The following PDSS2 variants were observed in gnomAD, a reference collection of about 807,000 sequenced individuals.
PDSS2 encodes decaprenyl diphosphate synthase subunit 2, also known as all trans-polyprenyl-diphosphate synthase PDSS2.
PDSS2 carries 31 observed loss-of-function variants against 44.5 expected under a neutral mutation model. The observed-to-expected ratio is 0.70, with a 90% CI of 0.52 to 0.94. PDSS2 has a LOEUF of 0.94. Among genes scored for constraint, PDSS2 ranks in the 40% least tolerant of loss-of-function variants. The pLI is 0.00. For missense variants in PDSS2, 452 were observed against 482.2 expected (o/e 0.94, Z 0.59); for synonymous variants, 157 against 180.3 (o/e 0.87, Z 1.03).
At chr6:107,336,223 C>T (rs1442055942) in intron 1 of PDSS2, among the ~76,000 whole-genome samples, 1 of 150,358 alleles carries the variant, frequency 6.7e-6, no homozygotes, top group African/African-American at 2.5e-5. Flanking sequence ...CCACTGCACT[C>T]CCAGCTTGGG....
At chr6:107,398,956 G>C (rs545638639) in intron 1 of PDSS2, among the ~76,000 whole-genome samples, 1 of 152,208 alleles carries the variant, frequency 6.6e-6, no homozygotes, top group African/African-American at 2.4e-5. Flanking sequence ...AAGATTTTTA[G>C]AATGTATTCA....
rs534809739 is a variant in PDSS2 at position 107,188,929 on chromosome 6, G to A, written c.1041+4893C>T. Among the ~76,000 whole-genome samples, 11 of 152,048 alleles carry A rather than the reference G, an allele frequency of 7.2e-5. 1 individual carries two copies. Among genetic ancestry groups the A allele is most frequent in the Admixed American group, 7.2e-4 (11 of 15,268 alleles). The stretch of plus-strand genomic sequence containing the variant: ...TTCTTTTTCATTTTTTTTGAGACAG[G>A]GTCTCACTCTCACTCCCGTTGCCCA... On this transcript the variant is annotated intron_variant, in intron 7 of 7. Coordinates refer to ENST00000369037, the MANE Select transcript of PDSS2 (RefSeq NM_020381.4).
intron 1 of PDSS2, among the ~76,000 whole-genome samples, chr6:107,348,172 G>C (rs1295307853): frequency 6.6e-6 from 1 of 152,208 alleles, no homozygotes; most frequent in East Asian, 1.9e-4. Context: ...AGGAGTGGCA[G>C]AGTAGAGAGT....
At chr6:107,170,439 C>G (rs540537795) in intron 7 of PDSS2, among the ~76,000 whole-genome samples, 19 of 152,294 alleles carry the variant, frequency 1.2e-4, no homozygotes, top group Non-Finnish European at 2.8e-4. Context: ...TGAGGCAATG[C>G]CGCACCCTGC....
intron 1 of PDSS2, among the ~76,000 whole-genome samples, chr6:107,376,441 G>A (rs1175968198): frequency 6.6e-6 from 1 of 152,086 alleles, no homozygotes; most frequent in Non-Finnish European, 1.5e-5. Flanking sequence ...ATTTCATTCA[G>A]CAGTGGTTTG....
At chr6:107,180,444 G>A (rs1051536839) in intron 7 of PDSS2, among the ~76,000 whole-genome samples, 24 of 152,182 alleles carry the variant, frequency 1.6e-4, no homozygotes, top group African/African-American at 5.8e-4. Flanking sequence ...GGATATAAGA[G>A]GAACAAAGGT....
intron 3 of PDSS2, among the ~76,000 whole-genome samples, chr6:107,256,492 GGT>G (rs1209216238): frequency 2.0e-5 from 3 of 152,104 alleles, no homozygotes; most frequent in Non-Finnish European, 4.4e-5. Context: ...CTAAAAGGCA[GGT>G]GTTTGTAATT....
intron 3 of PDSS2, among the ~76,000 whole-genome samples, chr6:107,247,467 G>C (rs1033101470): frequency 2.6e-5 from 4 of 152,094 alleles, no homozygotes; most frequent in African/African-American, 9.7e-5. Flanking sequence ...TAAATGACCT[G>C]TACTTACAAA....
intron 2 of PDSS2, among the ~76,000 whole-genome samples, chr6:107,329,872 G>A (rs62430090): frequency 0.18 from 27,084 of 151,678 alleles, 2,600 homozygotes; most frequent in African/African-American, 0.23. Flanking sequence ...GCAGTGGCGG[G>A]CGCCTGTAAT....
chr6:107,394,363 A>G (rs1779875896), intron 1 of PDSS2, among the ~76,000 whole-genome samples: 1 of 152,190 alleles, frequency 6.6e-6, no homozygotes, highest in South Asian at 2.1e-4. Context: ...CTGCTTCTGG[A>G]GAAGGCTCTG....
intron 4 of PDSS2, among the ~76,000 whole-genome samples, chr6:107,222,912 C>G (rs540842889): frequency 6.6e-6 from 1 of 151,838 alleles, no homozygotes; most frequent in South Asian, 2.1e-4. Context: ...TCAAGACCAG[C>G]CTGGGCAACA....
chr6:107,348,320 G>A (rs944217194), intron 1 of PDSS2, among the ~76,000 whole-genome samples: 4 of 152,196 alleles, frequency 2.6e-5, no homozygotes, highest in South Asian at 2.1e-4. Context: ...AATGTCAAAA[G>A]CAAGTGAAAG....
At chr6:107,296,038 C>T (rs141378659) in intron 2 of PDSS2, among the ~76,000 whole-genome samples, 2 of 152,250 alleles carry the variant, frequency 1.3e-5, no homozygotes, top group East Asian at 1.9e-4. Context: ...AAAGCTGGGT[C>T]GTGGTTCACC....
intron 7 of PDSS2, among the ~76,000 whole-genome samples, chr6:107,193,276 G>A (rs936363949): frequency 2.0e-5 from 3 of 152,138 alleles, no homozygotes; most frequent in Admixed American, 1.3e-4. Flanking sequence ...TTCTGATCTT[G>A]GTGAAAGAGG....
intron 4 of PDSS2, among the ~76,000 whole-genome samples, chr6:107,224,738 T>G (rs1186849075): frequency 6.6e-6 from 1 of 151,426 alleles, no homozygotes; most frequent in Non-Finnish European, 1.5e-5. Context: ...ATACGAAATC[T>G]AGATATGCCA....
intron 1 of PDSS2, among the ~76,000 whole-genome samples, chr6:107,361,941 A>C (rs1164757328): frequency 6.6e-6 from 1 of 152,172 alleles, no homozygotes. Context: ...CTGTGAAAAC[A>C]AGCAGTTTTG....
intron 2 of PDSS2, among the ~76,000 whole-genome samples, chr6:107,333,228 A>C (rs572342475): frequency 6.6e-6 from 1 of 152,324 alleles, no homozygotes; most frequent in South Asian, 2.1e-4. Flanking sequence ...TTCATATGCC[A>C]AAGTCTACCT....
chr6:107,266,195 C>G (rs1775406582), intron 3 of PDSS2, among the ~76,000 whole-genome samples: 2 of 152,094 alleles, frequency 1.3e-5, no homozygotes, highest in Non-Finnish European at 2.9e-5. Context: ...TTTGCTTTAT[C>G]AGAGGGAATT....
intron 7 of PDSS2, among the ~76,000 whole-genome samples, chr6:107,161,435 G>C (rs1475707646): frequency 6.7e-6 from 1 of 149,338 alleles, no homozygotes; most frequent in Non-Finnish European, 1.5e-5. Context: ...AGCCGAGATT[G>C]TGCCACTGCA....
Sources: gnomAD v4.1 joint callset for allele counts (sites outside exome capture counted in the v4.1 genomes callset) on GRCh38, gnomAD v4.1.1 for gene constraint, MANE v1.5 for transcripts, NCBI Gene and HGNC (gene_info 2026-07-23, HGNC 2026-07-21) for gene names.